The following SLC22A23 variants were observed in gnomAD, a reference collection of about 807,000 sequenced individuals.
SLC22A23 encodes the protein solute carrier family 22 member 23, also known as ion transporter protein.
A neutral mutation model predicts 61.0 loss-of-function variants in SLC22A23; 26 were observed. The ratio of observed to expected loss-of-function variants is 0.43; its 90% CI spans 0.31 to 0.59. The LOEUF (loss-of-function observed/expected upper bound fraction) is 0.59, where lower values mean the gene tolerates loss of function less well. Ranked by LOEUF, SLC22A23 falls within the 20% of genes least tolerant of loss-of-function variation. SLC22A23 has a pLI of 0.11. For missense variants in SLC22A23, 796 were observed against 934.7 expected (o/e 0.85, Z 1.94); for synonymous variants, 430 against 413.9 (o/e 1.04, Z -0.47).
intron 4 of SLC22A23, among the ~76,000 whole-genome samples, chr6:3,311,049 G>T (rs1415774739): frequency 6.6e-6 from 1 of 152,202 alleles, no homozygotes; most frequent in African/African-American, 2.4e-5. Flanking sequence ...AACATGCACT[G>T]GGCACCATCC....
rs767100015 is a variant in SLC22A23, at chr6:3,323,834, G to A, written c.1082C>T (p.Ser361Leu). The change falls in exon 4 of 10, where the codon TCG becomes TTG. Residue 361 changes from serine (S) to leucine (L), a missense_variant and splice_region_variant. Physicochemically the swap from Ser to Leu is moderately radical, Grantham distance 145 (BLOSUM62 -2). Coordinates refer to ENST00000406686, the MANE Select transcript of SLC22A23 (RefSeq NM_015482.2). ...CPFLLMLLYW[S>L]IFPESLRWLM... ...AGGGCGCTGTGCAGAGTGTACTCAC[G>A]ACCAGTAGAGCAGCATGAGCAGGAA... 24 of 1,613,084 alleles carry A rather than the reference G, an allele frequency of 1.5e-5. No homozygotes were observed. The highest frequency in any genetic ancestry group is 1.3e-4 in the East Asian group (6 of 44,872).
At chr6:3,357,053 A>G (rs575190540) in intron 3 of SLC22A23, among the ~76,000 whole-genome samples, 1 of 98,230 alleles carries the variant, frequency 1.0e-5, no homozygotes, top group African/African-American at 4.2e-5. Flanking sequence ...ACCAAAACAG[A>G]GCCAAAAAAA....
intron 3 of SLC22A23, among the ~76,000 whole-genome samples, chr6:3,338,794 A>T (rs1015251527): frequency 1.3e-5 from 2 of 152,398 alleles, no homozygotes; most frequent in Non-Finnish European, 2.9e-5. Context: ...ACAGAATTAA[A>T]CGTGGCAGCA....
rs753451485 is a variant in SLC22A23 at position 3,273,372 on chromosome 6, C to T, written c.1744G>A (p.Gly582Ser). ...TCGATGATGGGTGCCGTCAGCATGC[C>T]GAAGCCCGCGCTGGCCAGCACCAGC... ...LGLVLASAGF[G>S]MLTAPIIELH... The change falls in exon 10 of 10, where the codon GGC (glycine) becomes AGC (serine). Residue 582 changes from glycine (G) to serine (S), a missense_variant. Physicochemically the swap from Gly to Ser is moderately conservative, Grantham distance 56. Transcript: ENST00000406686. The T allele has an allele frequency of 1.5e-5, 24 of 1,612,886 alleles. No individual in the cohort carries two copies. Among genetic ancestry groups the T allele is most frequent in the African/African-American group, 2.7e-5 (2 of 74,916 alleles).
chr6:3,310,695 A>G (rs17842415), intron 4 of SLC22A23, among the ~76,000 whole-genome samples: 9,121 of 152,292 alleles, frequency 0.06, 534 homozygotes, highest in East Asian at 0.24. Flanking sequence ...CTTGACATCT[A>G]AAAATAAAAT....
At chr6:3,301,167 AC>A (rs1292545556) in intron 4 of SLC22A23, among the ~76,000 whole-genome samples, 2 of 152,008 alleles carry the variant, frequency 1.3e-5, no homozygotes, top group East Asian at 1.9e-4. Flanking sequence ...ACAACCTAAC[AC>A]AAATGCCACC....
At chr6:3,281,990 C>T (rs1471005380) in intron 9 of SLC22A23, among the ~76,000 whole-genome samples, 2 of 152,190 alleles carry the variant, frequency 1.3e-5, no homozygotes, top group African/African-American at 4.8e-5. Flanking sequence ...GAAAAGCTTA[C>T]AGCATTTCCT....
intron 1 of SLC22A23, chr6:3,444,805 T>C: frequency 1.0e-6 from 1 of 985,662 alleles, no homozygotes; most frequent in Non-Finnish European, 1.2e-6. Context: ...AGGCTTCCTG[T>C]CTGAAGGGCA....
intron 1 of SLC22A23, among the ~76,000 whole-genome samples, chr6:3,421,171 T>A (rs1220320913): frequency 1.3e-5 from 2 of 151,958 alleles, no homozygotes; most frequent in South Asian, 4.1e-4. Context: ...TTTAAAAAAA[T>A]TTCTAAAGAT....
intron 2 of SLC22A23, among the ~76,000 whole-genome samples, chr6:3,411,200 G>A (rs1428572726): frequency 2.0e-5 from 3 of 152,102 alleles, no homozygotes; most frequent in East Asian, 1.9e-4. Context: ...TTGATTAACC[G>A]ATTAGAAATA....
At chr6:3,404,587 T>TC (rs1339835034) in intron 3 of SLC22A23, among the ~76,000 whole-genome samples, 1 of 152,150 alleles carries the variant, frequency 6.6e-6, no homozygotes, top group East Asian at 1.9e-4. Flanking sequence ...ATGTTGTGGC[T>TC]CCCTGCTGGA....
intron 1 of SLC22A23, among the ~76,000 whole-genome samples, chr6:3,432,702 T>C (rs1044411720): frequency 6.6e-6 from 1 of 152,166 alleles, no homozygotes; most frequent in Non-Finnish European, 1.5e-5. Flanking sequence ...AAGTGCAGAG[T>C]GGCTGGCAAA....
At chr6:3,365,877 A>G in intron 3 of SLC22A23, among the ~76,000 whole-genome samples, 1 of 152,172 alleles carries the variant, frequency 6.6e-6, no homozygotes, top group East Asian at 1.9e-4. Context: ...TGGCCGACAT[A>G]CTTTGCTAAC....
intron 4 of SLC22A23, among the ~76,000 whole-genome samples, chr6:3,305,753 T>A (rs1051537844): frequency 1.2e-4 from 19 of 152,322 alleles, no homozygotes; most frequent in African/African-American, 4.3e-4. Context: ...GTCTGGTGCA[T>A]CCTCACATGT....
intron 1 of SLC22A23, among the ~76,000 whole-genome samples, chr6:3,445,538 C>G (rs1039621063): frequency 4.6e-5 from 7 of 152,196 alleles, no homozygotes; most frequent in African/African-American, 1.7e-4. Flanking sequence ...CAGATGAGTT[C>G]AGACATTTAT....
chr6:3,440,994 C>T (rs1227991658), intron 1 of SLC22A23, among the ~76,000 whole-genome samples: 8 of 152,228 alleles, frequency 5.3e-5, no homozygotes, highest in African/African-American at 1.4e-4. Flanking sequence ...GCAAGCCTGA[C>T]AGCCTCTGTA....
At chr6:3,397,501 T>A (rs907029364) in intron 3 of SLC22A23, among the ~76,000 whole-genome samples, 3 of 152,216 alleles carry the variant, frequency 2.0e-5, no homozygotes, top group African/African-American at 7.2e-5. Flanking sequence ...AGGTCTCAGT[T>A]TCCTTAACTG....
chr6:3,412,718 G>T (rs1251883841), intron 2 of SLC22A23, among the ~76,000 whole-genome samples: 1 of 152,200 alleles, frequency 6.6e-6, no homozygotes, highest in African/African-American at 2.4e-5. Context: ...TAAGGACCCT[G>T]AGATGAGGTG....
chr6:3,312,204 C>G (rs777713259), intron 4 of SLC22A23: 1 of 152,130 alleles, frequency 6.6e-6, no homozygotes, highest in Non-Finnish European at 1.5e-5. Flanking sequence ...ATATTATAAG[C>G]GGATGAATAC....
Sources: allele counts gnomAD v4.1 joint callset (sites outside exome capture counted in the v4.1 genomes callset), GRCh38; gene constraint gnomAD v4.1.1; transcripts MANE v1.5; gene names NCBI Gene and HGNC (gene_info 2026-07-23, HGNC 2026-07-21).